Variants in TASP1 observed in about 807,000 individuals in gnomAD.
TASP1 encodes taspase 1, also known as threonine aspartase 1.
A neutral mutation model predicts 56.6 loss-of-function variants in TASP1; 16 were observed. The ratio of observed to expected loss-of-function variants is 0.28; its 90% CI spans 0.19 to 0.43. TASP1 has a LOEUF of 0.43. Among genes scored for constraint, TASP1 ranks in the 20% least tolerant of loss-of-function variants. TASP1 has a pLI of 1.00. For synonymous variants in TASP1, 179 were observed against 184.2 expected (o/e 0.97, Z 0.23); for missense variants, 393 against 511.6 (o/e 0.77, Z 2.24).
the TASP1 span, among the ~76,000 whole-genome samples, chr20:13,109,841 C>T: frequency 2.0e-5 from 3 of 152,136 alleles, no homozygotes; most frequent in Non-Finnish European, 4.4e-5. Flanking sequence ...CTAAGGCAGG[C>T]GGGGAGAGCC....
the TASP1 span, among the ~76,000 whole-genome samples, chr20:13,362,812 T>TATATATATATATATATAC: frequency 1.5e-5 from 1 of 67,268 alleles, no homozygotes; most frequent in Non-Finnish European, 2.6e-5. Flanking sequence ...GCAAGAAATA[T>TATATATATATATATATAC]ATATATATAT....
chr20:13,295,208 G>A, the TASP1 span, among the ~76,000 whole-genome samples: 1 of 152,020 alleles, frequency 6.6e-6, no homozygotes, highest in Admixed American at 6.6e-5. Flanking sequence ...GATCTCTTCT[G>A]ATCCCACCTG....
chr20:13,357,637 T>G, the TASP1 span, among the ~76,000 whole-genome samples: 350 of 152,322 alleles, frequency 2.3e-3, 1 homozygote, highest in Non-Finnish European at 3.1e-3. Flanking sequence ...CCCAGAATTT[T>G]CATTCCTAGG....
chr20:13,612,097 T>C (rs1380505788), intron 4 of TASP1, among the ~76,000 whole-genome samples: 1 of 152,132 alleles, frequency 6.6e-6, no homozygotes, highest in Non-Finnish European at 1.5e-5. Flanking sequence ...AACAACAAAT[T>C]TTATTATCAT....
At chr20:13,140,451 C>T in the TASP1 span, among the ~76,000 whole-genome samples, 1 of 152,158 alleles carries the variant, frequency 6.6e-6, no homozygotes, top group Non-Finnish European at 1.5e-5. Flanking sequence ...AGGCACGAGA[C>T]TGAATTCTGA....
intron 11 of TASP1, among the ~76,000 whole-genome samples, chr20:13,450,598 C>T (rs370399839): frequency 4.6e-5 from 7 of 152,144 alleles, no homozygotes; most frequent in Admixed American, 1.3e-4. Flanking sequence ...ACTCCTCATC[C>T]GTTAAAGTTT....
intron 13 of TASP1, 128 bp from the exon 14 acceptor site, chr20:13,390,580 C>A (rs954428394): frequency 4.2e-6 from 3 of 709,058 alleles, no homozygotes; most frequent in African/African-American, 3.5e-5. Flanking sequence ...TCTGAGCATC[C>A]ACAGACTGTA....
the TASP1 span, among the ~76,000 whole-genome samples, chr20:13,195,882 A>G: frequency 4.7e-4 from 72 of 152,232 alleles, no homozygotes; most frequent in African/African-American, 1.7e-3. Flanking sequence ...TTTCTAGTTA[A>G]TTTATCATGC....
At chr20:13,535,802 CT>C (rs1393351015) in intron 8 of TASP1, among the ~76,000 whole-genome samples, 2 of 152,136 alleles carry the variant, frequency 1.3e-5, no homozygotes, top group African/African-American at 2.4e-5. Flanking sequence ...AGTTTTCTAC[CT>C]CTGTTTCGCA....
chr20:13,360,532 C>T, the TASP1 span, among the ~76,000 whole-genome samples: 3 of 152,108 alleles, frequency 2.0e-5, no homozygotes, highest in African/African-American at 7.3e-5. Flanking sequence ...CAGGACCACA[C>T]CCTGTAGCCT....
chr20:13,328,938 T>C, the TASP1 span, among the ~76,000 whole-genome samples: 2 of 152,102 alleles, frequency 1.3e-5, no homozygotes, highest in Non-Finnish European at 2.9e-5. Flanking sequence ...ATCCTGCACA[T>C]GCACCACTGA....
the TASP1 span, among the ~76,000 whole-genome samples, chr20:13,214,604 CAG>C: frequency 7.2e-6 from 1 of 138,300 alleles, no homozygotes; most frequent in East Asian, 2.1e-4. Context: ...AAGACAGAGA[CAG>C]AGAGAGAGAT....
At chr20:13,425,520 A>G (rs919731127) in intron 12 of TASP1, among the ~76,000 whole-genome samples, 2 of 152,162 alleles carry the variant, frequency 1.3e-5, no homozygotes, top group African/African-American at 2.4e-5. Flanking sequence ...ACACCCACTT[A>G]AAACCTCTCT....
chr20:13,437,330 A>C (rs918761619), intron 11 of TASP1, among the ~76,000 whole-genome samples: 4 of 152,330 alleles, frequency 2.6e-5, no homozygotes, highest in East Asian at 1.9e-4. Flanking sequence ...AAAAACTCTC[A>C]ATAAATTAGG....
the TASP1 span, among the ~76,000 whole-genome samples, chr20:13,330,594 GTCT>G: frequency 2.0e-5 from 3 of 152,206 alleles, no homozygotes; most frequent in Non-Finnish European, 4.4e-5. Flanking sequence ...CTGTTATTAT[GTCT>G]TCTTTAAATG....
the TASP1 span, among the ~76,000 whole-genome samples, chr20:13,309,533 G>C: frequency 6.6e-6 from 1 of 151,964 alleles, no homozygotes. Flanking sequence ...CCAAGATCAG[G>C]AACAAGACAA....
At chr20:13,114,359 C>T in the TASP1 span, among the ~76,000 whole-genome samples, 1 of 152,136 alleles carries the variant, frequency 6.6e-6, no homozygotes, top group Non-Finnish European at 1.5e-5. Flanking sequence ...AGTCTAGATC[C>T]CTTATCAACT....
the TASP1 span, among the ~76,000 whole-genome samples, chr20:13,188,777 A>C: frequency 3.9e-5 from 6 of 152,294 alleles, no homozygotes; most frequent in African/African-American, 1.4e-4. Context: ...AAGCAAACTA[A>C]ATATGGCTGA....
chr20:13,617,576 G>A (rs1391013570), intron 4 of TASP1, among the ~76,000 whole-genome samples: 1 of 152,062 alleles, frequency 6.6e-6, no homozygotes, highest in Admixed American at 6.5e-5. Context: ...AGGGGGCGCT[G>A]GGGAAAGAGC....
Sources: gnomAD v4.1 joint callset for allele counts (sites outside exome capture counted in the v4.1 genomes callset) on GRCh38, gnomAD v4.1.1 for gene constraint, MANE v1.5 for transcripts, NCBI Gene and HGNC (gene_info 2026-07-23, HGNC 2026-07-21) for gene names.